CUX1: variants seen among roughly 807,000 people sequenced by gnomAD.
The protein encoded by CUX1 is protein CASP.
CUX1 carries 31 observed loss-of-function variants against 158.8 expected under a neutral mutation model. The ratio of observed to expected loss-of-function variants is 0.20; its 90% confidence interval spans 0.15 to 0.26. The LOEUF (loss-of-function observed/expected upper bound fraction) is 0.26. CUX1 is among the 10% of genes least tolerant of loss of function. CUX1 has a pLI of 1.00. For synonymous variants in CUX1, 879 were observed against 862.1 expected, an observed-to-expected ratio of 1.02 and a Z score of -0.34; for missense variants, 1,589 against 2,014.6, an observed-to-expected ratio of 0.79 and a Z score of 4.04.
At chr7:101,984,681 A>T (rs1346008292) in intron 2 of CUX1, among the ~76,000 whole-genome samples, 2 of 152,040 alleles carry the variant, frequency 1.3e-5, no homozygotes, top group Non-Finnish European at 2.9e-5. Context: ...TCAGCCTGGG[A>T]AAACTAGATG....
intron 3 of CUX1, among the ~76,000 whole-genome samples, chr7:102,036,031 G>C (rs1162656638): frequency 6.6e-6 from 1 of 152,074 alleles, no homozygotes; most frequent in Admixed American, 6.5e-5. Context: ...GATTTCTTTT[G>C]TAACGGCCCT....
At chr7:101,917,210 T>C (rs554074935) in intron 2 of CUX1, among the ~76,000 whole-genome samples, 134 of 152,350 alleles carry the variant, frequency 8.8e-4, no homozygotes, top group African/African-American at 3.2e-3. Flanking sequence ...ACTTACATAA[T>C]ATTGCTGGGA....
At chr7:101,856,588 C>G (rs957339692) in intron 1 of CUX1, among the ~76,000 whole-genome samples, 1 of 152,174 alleles carries the variant, frequency 6.6e-6, no homozygotes, top group African/African-American at 2.4e-5. Context: ...TTCCTGCAGG[C>G]CCAGAGGGGA....
At chr7:102,114,685 C>G (rs1354682772) in intron 7 of CUX1, among the ~76,000 whole-genome samples, 1 of 152,174 alleles carries the variant, frequency 6.6e-6, no homozygotes, top group Non-Finnish European at 1.5e-5. Context: ...CCAGACCAGC[C>G]TGGGCGACAT....
At chr7:102,075,939 C>T (rs1276043148) in intron 4 of CUX1, among the ~76,000 whole-genome samples, 7 of 152,146 alleles carry the variant, frequency 4.6e-5, no homozygotes, top group African/African-American at 1.4e-4. Context: ...GTTTACCAGA[C>T]GTCCCGCCGG....
intron 17 of CUX1, chr7:102,277,927 T>C: frequency 1.1e-6 from 1 of 913,586 alleles, no homozygotes; most frequent in Non-Finnish European, 1.7e-6. Flanking sequence ...CCCCACCCCT[T>C]TCCTTGCCCC....
chr7:101,978,395 C>T (rs1217405435), intron 2 of CUX1, among the ~76,000 whole-genome samples: 1 of 152,198 alleles, frequency 6.6e-6, no homozygotes, highest in Non-Finnish European at 1.5e-5. Context: ...GCTCCCCCTC[C>T]TCTCCCCCGA....
chr7:101,978,468 G>A (rs1585155135), intron 2 of CUX1, among the ~76,000 whole-genome samples: 1 of 152,210 alleles, frequency 6.6e-6, no homozygotes, highest in Admixed American at 6.5e-5. Context: ...CCAGCTACAC[G>A]CTGTCACCTT....
At chr7:102,094,947 G>A (rs570852272) in intron 4 of CUX1, among the ~76,000 whole-genome samples, 2 of 151,932 alleles carry the variant, frequency 1.3e-5, no homozygotes, top group Non-Finnish European at 2.9e-5. Context: ...CAGGAATTCT[G>A]TTTTTTTGTG....
At chr7:101,819,229 T>G (rs1792205972) in intron 1 of CUX1, among the ~76,000 whole-genome samples, 1 of 152,268 alleles carries the variant, frequency 6.6e-6, no homozygotes, top group African/African-American at 2.4e-5. Flanking sequence ...AAAACCAGGT[T>G]TTCTTTTCTT....
chr7:102,138,663 C>T (rs782818070), intron 8 of CUX1, among the ~76,000 whole-genome samples: 8 of 152,110 alleles, frequency 5.3e-5, no homozygotes, highest in Non-Finnish European at 8.8e-5. Context: ...CAATGAGACC[C>T]GATCTTTTAT....
chr7:101,966,303 C>CTT (rs112153295), intron 2 of CUX1, among the ~76,000 whole-genome samples: 50 of 133,694 alleles, frequency 3.7e-4, no homozygotes, highest in African/African-American at 1.1e-3. Context: ...TTTTGACTGT[C>CTT]TTTTTTTTTT....
chr7:102,060,775 G>A (rs1257908436), intron 3 of CUX1, among the ~76,000 whole-genome samples: 1 of 151,570 alleles, frequency 6.6e-6, no homozygotes, highest in Non-Finnish European at 1.5e-5. Context: ...ACCACACCTG[G>A]CTGATTTTTT....
intron 10 of CUX1, among the ~76,000 whole-genome samples, chr7:102,175,286 G>A (rs868937503): frequency 5.9e-5 from 9 of 152,182 alleles, no homozygotes; most frequent in East Asian, 1.9e-4. Context: ...TTTGACTTGC[G>A]CCTTGTAAAA....
intron 9 of CUX1, among the ~76,000 whole-genome samples, chr7:102,167,267 C>CA (rs562023948): frequency 0.081 from 9,901 of 121,614 alleles, 475 homozygotes; most frequent in African/African-American, 0.15. Context: ...GACTCTGTAT[C>CA]AAAAAAAAAA....
chr7:101,847,928 G>C (rs1407607573), intron 1 of CUX1, among the ~76,000 whole-genome samples: 1 of 151,580 alleles, frequency 6.6e-6, no homozygotes, highest in African/African-American at 2.4e-5. Flanking sequence ...CATGATGGCG[G>C]GTGCCTGTAA....
chr7:102,143,387 G>A (rs1834671251), intron 8 of CUX1, among the ~76,000 whole-genome samples: 1 of 152,120 alleles, frequency 6.6e-6, no homozygotes, highest in Admixed American at 6.6e-5. Context: ...ACCCACATCA[G>A]TCTCCAAAGT....
chr7:102,011,548 A>C (rs2129296921), intron 2 of CUX1, among the ~76,000 whole-genome samples: 1 of 151,756 alleles, frequency 6.6e-6, no homozygotes, highest in Non-Finnish European at 1.5e-5. Flanking sequence ...ATGCCCAGCT[A>C]ATTTTGTGTT....
chr7:102,165,253 C>T (rs1179258983), intron 9 of CUX1, among the ~76,000 whole-genome samples: 1 of 151,836 alleles, frequency 6.6e-6, no homozygotes, highest in East Asian at 1.9e-4. Flanking sequence ...TGCCTTACCA[C>T]GTTTTATGAG....
Sources: allele counts gnomAD v4.1 joint callset (sites outside exome capture counted in the v4.1 genomes callset), GRCh38; gene constraint gnomAD v4.1.1; transcripts MANE v1.5; gene names NCBI Gene and HGNC (gene_info 2026-07-23, HGNC 2026-07-21).